Variants in METTL15 observed in about 807,000 individuals in gnomAD.
METTL15 encodes 12S rRNA N(4)-cytidine methyltransferase METTL15.
In METTL15, 34 loss-of-function variants were observed where a neutral mutation model predicts 38.3. The ratio of observed to expected loss-of-function variants is 0.89; its 90% CI spans 0.68 to 1.18. The LOEUF is 1.18. Among genes scored for constraint, METTL15 ranks in the 50% most tolerant of loss-of-function variants. The probability of loss-of-function intolerance (pLI) is 0.00; values close to 1 mark genes in which losing one functional copy is unlikely to be tolerated. For missense variants in METTL15, 438 were observed against 498.4 expected (o/e 0.88, Z 1.15); for synonymous variants, 162 against 170.9 (o/e 0.95, Z 0.41).
chr11:28,380,267 A>G (rs2133384097), intron 5 of METTL15, among the ~76,000 whole-genome samples: 1 of 148,256 alleles, frequency 6.7e-6, no homozygotes, highest in South Asian at 2.1e-4. Flanking sequence ...TCCTGGGTTC[A>G]CACCATTCTC....
chr11:28,349,298 C>A (rs1364280503), intron 3 of METTL15, among the ~76,000 whole-genome samples: 1 of 152,140 alleles, frequency 6.6e-6, no homozygotes, highest in Non-Finnish European at 1.5e-5. Flanking sequence ...GGCCACCACA[C>A]CCCTTGCAGG....
intron 3 of METTL15, among the ~76,000 whole-genome samples, chr11:28,124,881 A>G (rs531474147): frequency 3.3e-5 from 5 of 152,256 alleles, no homozygotes; most frequent in Non-Finnish European, 5.9e-5. Context: ...TTCTACCGGT[A>G]TAGAATATCA....
intron 6 of METTL15, among the ~76,000 whole-genome samples, chr11:28,321,640 T>G (rs1192375729): frequency 2.0e-5 from 3 of 152,110 alleles, no homozygotes; most frequent in African/African-American, 7.2e-5. Flanking sequence ...CAATCAAAAT[T>G]TTTATTTTTA....
intron 5 of METTL15, among the ~76,000 whole-genome samples, chr11:28,389,949 T>C (rs1006992700): frequency 3.3e-5 from 5 of 152,154 alleles, no homozygotes; most frequent in Admixed American, 6.6e-5. Flanking sequence ...TGGTATCTCA[T>C]TGTGGTTTTG....
At chr11:28,234,992 A>T (rs1052508467) in intron 4 of METTL15, among the ~76,000 whole-genome samples, 1 of 151,890 alleles carries the variant, frequency 6.6e-6, no homozygotes, top group Non-Finnish European at 1.5e-5. Flanking sequence ...ATAAGATGTA[A>T]GGAAGGGATC....
chr11:28,376,851 C>T (rs573361594), intron 5 of METTL15, among the ~76,000 whole-genome samples: 10 of 144,814 alleles, frequency 6.9e-5, no homozygotes, highest in South Asian at 2.3e-4. Flanking sequence ...TTAGGGCAGG[C>T]CTGGTGGTGC....
intron 6 of METTL15, among the ~76,000 whole-genome samples, chr11:28,310,587 C>T (rs1055812375): frequency 1.3e-5 from 2 of 152,106 alleles, no homozygotes; most frequent in African/African-American, 4.8e-5. Flanking sequence ...CACAGCTTTA[C>T]TAATTACATC....
chr11:28,192,009 C>T (rs1851717175), intron 3 of METTL15, among the ~76,000 whole-genome samples: 2 of 151,580 alleles, frequency 1.3e-5, no homozygotes, highest in Non-Finnish European at 1.5e-5. Context: ...TAATGATTAA[C>T]CAGATAATCT....
At chr11:28,296,207 A>G (rs573970591) in intron 5 of METTL15, among the ~76,000 whole-genome samples, 3 of 152,144 alleles carry the variant, frequency 2.0e-5, no homozygotes, top group South Asian at 4.1e-4. Flanking sequence ...TATCATTGCC[A>G]TTAAAGTTGT....
chr11:28,296,281 G>C (rs986447430), intron 5 of METTL15, among the ~76,000 whole-genome samples: 1 of 152,098 alleles, frequency 6.6e-6, no homozygotes, highest in African/African-American at 2.4e-5. Context: ...AGTTCAATTT[G>C]TGTCTCCACA....
At chr11:28,421,295 C>T (rs963153409) in intron 5 of METTL15, among the ~76,000 whole-genome samples, 1 of 151,914 alleles carries the variant, frequency 6.6e-6, no homozygotes, top group East Asian at 1.9e-4. Context: ...TAAAGAAGAA[C>T]TAATATCAAT....
chr11:28,282,398 A>G (rs985932181), intron 4 of METTL15, among the ~76,000 whole-genome samples: 1 of 152,208 alleles, frequency 6.6e-6, no homozygotes, highest in African/African-American at 2.4e-5. Context: ...AGATTAGAGG[A>G]AAAAAAGTAC....
At chr11:28,435,799 A>G (rs1590374200) in intron 6 of METTL15, among the ~76,000 whole-genome samples, 1 of 152,246 alleles carries the variant, frequency 6.6e-6, no homozygotes, top group Non-Finnish European at 1.5e-5. Flanking sequence ...AAACCCTGCT[A>G]GACTTTGCCT....
intron 3 of METTL15, among the ~76,000 whole-genome samples, chr11:28,186,159 A>G (rs887237210): frequency 6.6e-6 from 1 of 151,118 alleles, no homozygotes; most frequent in South Asian, 2.1e-4. Flanking sequence ...ATCATCCACT[A>G]TAATAAATGC....
chr11:28,349,993 TAA>T (rs1290694471), intron 3 of METTL15, among the ~76,000 whole-genome samples: 1 of 152,200 alleles, frequency 6.6e-6, no homozygotes, highest in Non-Finnish European at 1.5e-5. Context: ...CTCTTTCCCT[TAA>T]AAGTCTTTCT....
intron 6 of METTL15, among the ~76,000 whole-genome samples, chr11:28,499,463 CA>C (rs1851564123): frequency 6.6e-6 from 1 of 152,242 alleles, no homozygotes; most frequent in East Asian, 1.9e-4. Context: ...ACAAAAGAGA[CA>C]TATTGTTCCA....
chr11:28,157,345 G>A (rs1235757793), intron 3 of METTL15, among the ~76,000 whole-genome samples: 4 of 152,186 alleles, frequency 2.6e-5, no homozygotes, highest in South Asian at 2.1e-4. Context: ...AGGCTGCTGT[G>A]CATGCTGCTC....
chr11:28,298,247 A>G (rs946621807), intron 6 of METTL15, among the ~76,000 whole-genome samples: 1 of 151,956 alleles, frequency 6.6e-6, no homozygotes, highest in Non-Finnish European at 1.5e-5. Context: ...ACATGTCTCC[A>G]CCGTATCCTT....
intron 3 of METTL15, among the ~76,000 whole-genome samples, chr11:28,179,831 G>A (rs1325397711): frequency 6.6e-6 from 1 of 151,798 alleles, no homozygotes. Context: ...GCCAAGCAGT[G>A]TTATGAAGTG....
Sources: allele counts gnomAD v4.1 joint callset (sites outside exome capture counted in the v4.1 genomes callset), GRCh38; gene constraint gnomAD v4.1.1; transcripts MANE v1.5; gene names NCBI Gene and HGNC (gene_info 2026-07-23, HGNC 2026-07-21).